The following VPS13B variants were observed in gnomAD, a reference collection of about 807,000 sequenced individuals.
VPS13B encodes the protein intermembrane lipid transfer protein VPS13B.
A neutral mutation model predicts 426.4 loss-of-function variants in VPS13B; 285 were observed. That is an observed-to-expected ratio of 0.67 (90% confidence interval 0.61 to 0.74). The LOEUF (loss-of-function observed/expected upper bound fraction) is 0.74, where lower values mean the gene tolerates loss of function less well. Ranked by LOEUF, VPS13B falls within the 30% of genes least tolerant of loss-of-function variation. The pLI is 0.00. For missense variants in VPS13B, 4,537 were observed against 4,782.6 expected (o/e 0.95, Z 1.51); for synonymous variants, 1,676 against 1,676.4 (o/e 1.00, Z 0.01).
intron 2 of VPS13B, among the ~76,000 whole-genome samples, chr8:99,036,762 CATT>C (rs1563497665): frequency 2.0e-5 from 3 of 152,044 alleles, no homozygotes; most frequent in African/African-American, 7.2e-5. Context: ...GCAAATATAT[CATT>C]GTTACACAAG....
At chr8:99,612,719 G>A (rs929597599) in intron 33 of VPS13B, among the ~76,000 whole-genome samples, 5 of 152,148 alleles carry the variant, frequency 3.3e-5, no homozygotes, top group Admixed American at 1.3e-4. Context: ...GTTTTAGAAC[G>A]TCAGCATTAC....
chr8:99,131,898 G>A (rs1023562304), intron 8 of VPS13B, among the ~76,000 whole-genome samples: 1 of 152,064 alleles, frequency 6.6e-6, no homozygotes, highest in East Asian at 1.9e-4. Flanking sequence ...TTTACTCAGA[G>A]TAGGACTATT....
Position 99,766,066 on chromosome 8 carries a change from CTTTTTTTTTT to C in VPS13B, c.7051-690_7051-681del, listed in dbSNP as rs71274933. Among the ~76,000 whole-genome samples the C allele has an allele frequency of 2.1e-4, 11 of 52,340 alleles. No homozygotes were observed. In the South Asian group the frequency reaches 7.4e-3, roughly 35 times the overall value. The allele number at this position is 52,340 out of a possible 152,430, so 34.3% of individuals were successfully genotyped here. A position where few individuals can be genotyped will look rare whatever the true frequency, so the allele number is the denominator to read the frequency against. On this transcript the variant is annotated intron_variant, in intron 39 of 61. Coordinates refer to ENST00000357162, the MANE Select transcript of VPS13B (RefSeq NM_152564.5). Reference sequence around the variant, plus strand: ...CTTATTTGGTGTGGCACCTTCATTACTTTTTTTTTTTTTTTTTTTTTTTTTTTGAGGCAGA... The same window carrying C: ...CTTATTTGGTGTGGCACCTTCATTACTTTTTTTTTTTTTTTTTGAGGCAGA...
In VPS13B at chr8:99,637,618, A is replaced by G. The variant is rs866874338; in HGVS notation, c.5221-4193A>G. 2.6e-5 allele frequency among the ~76,000 whole-genome samples: 4 copies of G among 152,084 alleles called. 1 individual carries two copies. The South Asian group carries it at 8.3e-4, about 32-fold the overall frequency. On this transcript the variant is annotated intron_variant, in intron 33 of 61. Coordinates refer to ENST00000357162, the MANE Select transcript of VPS13B (RefSeq NM_152564.5). Reference sequence around the variant, plus strand: ...ATAGCTCAAGATCACACCACTTGACATTTGCTGGAGACTAATGTAGCAGTC... The same window carrying G: ...ATAGCTCAAGATCACACCACTTGACGTTTGCTGGAGACTAATGTAGCAGTC...
At chr8:99,201,812 C>T (rs1035877960) in intron 17 of VPS13B, among the ~76,000 whole-genome samples, 2 of 152,148 alleles carry the variant, frequency 1.3e-5, no homozygotes, top group Non-Finnish European at 2.9e-5. Context: ...GCATTATTTT[C>T]ACTTTTCAAC....
chr8:99,790,244 C>G (rs1386082690), intron 43 of VPS13B, among the ~76,000 whole-genome samples: 1 of 152,080 alleles, frequency 6.6e-6, no homozygotes, highest in African/African-American at 2.4e-5. Flanking sequence ...GTTACACTTT[C>G]CTGTCCAGAA....
Position 99,507,128 on chromosome 8 carries a change from GTTT to G in VPS13B, c.4158-7_4158-5del, listed in dbSNP as rs1821543782. The G allele has an allele frequency of 6.2e-7, 1 of 1,613,774 alleles. No homozygotes were observed. Among genetic ancestry groups the G allele is most frequent in the African/African-American group, 1.3e-5 (1 of 74,914 alleles). On this transcript the variant is annotated splice_region_variant and splice_polypyrimidine_tract_variant and intron_variant, in intron 27 of 61. Transcript: ENST00000357162. ...AAGAGAACAGATAAGGTGAACTTATGTTTTCCAGGCCAGGGGAAGGTTGGCAGT... is the reference window on the plus strand; with the variant it reads ...AAGAGAACAGATAAGGTGAACTTATGTCCAGGCCAGGGGAAGGTTGGCAGT...
At chr8:99,174,292 C>G (rs946130924) in intron 16 of VPS13B, among the ~76,000 whole-genome samples, 4 of 152,148 alleles carry the variant, frequency 2.6e-5, no homozygotes, top group African/African-American at 9.7e-5. Flanking sequence ...CATGCATGTA[C>G]AAATATCTGT....
intron 19 of VPS13B, among the ~76,000 whole-genome samples, chr8:99,362,433 C>T (rs956942812): frequency 5.3e-5 from 8 of 152,042 alleles, no homozygotes; most frequent in African/African-American, 1.2e-4. Context: ...TGGGACACCG[C>T]GCCTGGCCTA....
At chr8:99,439,402 G>A (rs1451217717) in intron 22 of VPS13B, among the ~76,000 whole-genome samples, 4 of 152,010 alleles carry the variant, frequency 2.6e-5, no homozygotes, top group African/African-American at 9.7e-5. Context: ...TTTAGGGCTG[G>A]CACTATGTCT....
intron 21 of VPS13B, among the ~76,000 whole-genome samples, chr8:99,407,021 G>A (rs932408045): frequency 6.6e-6 from 1 of 152,132 alleles, no homozygotes. Context: ...AGAGAATCAA[G>A]ACCAACTTAT....
chr8:99,196,075 G>A (rs1215302253), intron 17 of VPS13B, among the ~76,000 whole-genome samples: 1 of 151,864 alleles, frequency 6.6e-6, no homozygotes, highest in African/African-American at 2.4e-5. Flanking sequence ...TTTTTTTACT[G>A]TTTTTGTGAA....
At chr8:99,662,460 A>T (rs1275710244) in intron 35 of VPS13B, among the ~76,000 whole-genome samples, 3 of 143,350 alleles carry the variant, frequency 2.1e-5, no homozygotes, top group African/African-American at 7.5e-5. Context: ...TTATTTATTT[A>T]TTTTTTGAGA....
chr8:99,148,114 G>A lies in VPS13B; in HGVS notation c.2013+104G>A, dbSNP rs181946403. The A allele has an allele frequency of 3.2e-6, 4 of 1,269,400 alleles. No individual in the cohort carries two copies. The East Asian group carries it at 7.4e-5, about 23-fold the overall frequency. 78.6% of individuals were successfully genotyped at this position (1,269,400 alleles called of 1,614,324 possible). ...TATCTGCAGCCGGGCACAGTGGCTT[G>A]AGTGTGTAATCCTGGCAATTCAGGA... On this transcript the variant is annotated intron_variant, in intron 14 of 61. Transcript: ENST00000357162.
intron 43 of VPS13B, among the ~76,000 whole-genome samples, chr8:99,809,002 G>A (rs2130784616): frequency 6.6e-6 from 1 of 151,406 alleles, no homozygotes; most frequent in African/African-American, 2.4e-5. Context: ...TTTCATTACT[G>A]TCTAGCCATA....
At chr8:99,056,951 A>G (rs1843908304) in intron 3 of VPS13B, among the ~76,000 whole-genome samples, 1 of 152,096 alleles carries the variant, frequency 6.6e-6, no homozygotes, top group African/African-American at 2.4e-5. Context: ...TGTTAGATTT[A>G]TACCTAAATA....
intron 35 of VPS13B, among the ~76,000 whole-genome samples, chr8:99,665,781 A>G (rs542847865): frequency 5.9e-5 from 9 of 152,342 alleles, no homozygotes; most frequent in East Asian, 1.9e-4. Context: ...CTTTTGGCTT[A>G]GGATTGACTT....
At chr8:99,115,667 G>A (rs756356753) in intron 6 of VPS13B, 33 bp from the exon 7 acceptor site, 21 of 1,603,648 alleles carry the variant, frequency 1.3e-5, no homozygotes, top group African/African-American at 4.0e-5. Context: ...TTAAACATGC[G>A]TTTGTTGGTG....
At chr8:99,554,041 G>T (rs1333761639) in intron 30 of VPS13B, among the ~76,000 whole-genome samples, 8 of 151,846 alleles carry the variant, frequency 5.3e-5, no homozygotes. Flanking sequence ...AAAAAAAAAT[G>T]GGAAATTTCA....
Sources: allele counts gnomAD v4.1 joint callset (sites outside exome capture counted in the v4.1 genomes callset), GRCh38; gene constraint gnomAD v4.1.1; transcripts MANE v1.5; gene names NCBI Gene and HGNC (gene_info 2026-07-23, HGNC 2026-07-21).